The following AP3B1 variants were observed in gnomAD, a reference collection of about 807,000 sequenced individuals.
AP3B1 encodes the protein adaptor related protein complex 3 subunit beta 1, also known as AP-3 complex subunit beta-1.
AP3B1 carries 61 observed loss-of-function variants against 132.5 expected under a neutral mutation model. That is an observed-to-expected ratio of 0.46 (90% confidence interval 0.37 to 0.57). AP3B1 has a LOEUF of 0.57. Among genes scored for constraint, AP3B1 ranks in the 20% least tolerant of loss-of-function variants. The probability of loss-of-function intolerance (pLI) is 0.00; values close to 1 mark genes in which losing one functional copy is unlikely to be tolerated. For synonymous variants in AP3B1, 388 were observed against 438.3 expected (o/e 0.89, Z 1.43); for missense variants, 1,120 against 1,289.4 (o/e 0.87, Z 2.01).
chr5:78,277,543 C>A (rs1280529253), intron 1 of AP3B1, among the ~76,000 whole-genome samples: 2 of 152,066 alleles, frequency 1.3e-5, no homozygotes, highest in East Asian at 3.9e-4. Context: ...TCACAAAAGA[C>A]CTCCACGGAT....
At position 78,260,347 on chromosome 5, in the gene AP3B1, G is replaced by A. The variant is rs1238796215; in HGVS notation, c.204+7173C>T. On this transcript the variant is annotated intron_variant, in intron 2 of 26. Transcript: ENST00000255194. ...CATGCCTGTATTTCCATCACTTTGG[G>A]AGGCCGAGGAGGGCAGATCACCAGA... Among the ~76,000 whole-genome samples the A allele has an allele frequency of 6.6e-5, 10 of 152,118 alleles. 1 individual carries two copies.
intron 3 of AP3B1, among the ~76,000 whole-genome samples, chr5:78,239,838 C>T (rs1295401768): frequency 2.0e-5 from 3 of 151,126 alleles, no homozygotes; most frequent in Non-Finnish European, 2.9e-5. Context: ...TCCTCTCTCA[C>T]CAACACTATC....
chr5:78,192,729 T>G (rs906778987), intron 7 of AP3B1, among the ~76,000 whole-genome samples: 1 of 152,188 alleles, frequency 6.6e-6, no homozygotes, highest in East Asian at 1.9e-4. Context: ...GATTAGGTCA[T>G]GAAGACGGAA....
chr5:78,074,804 C>T (rs113778613), intron 22 of AP3B1, among the ~76,000 whole-genome samples: 27 of 152,128 alleles, frequency 1.8e-4, no homozygotes, highest in Middle Eastern at 3.4e-3. Flanking sequence ...CAAAACTAGC[C>T]GGGCGTGGTG....
At chr5:78,275,237 C>T (rs968259670) in intron 1 of AP3B1, among the ~76,000 whole-genome samples, 5 of 151,980 alleles carry the variant, frequency 3.3e-5, no homozygotes, top group Non-Finnish European at 5.9e-5. Flanking sequence ...GAAAAGAATG[C>T]CAACATAGAA....
Position 78,141,255 on chromosome 5 carries a change from A to G in AP3B1, c.1538T>C (p.Ile513Thr). 1 of 1,613,756 alleles carries G rather than the reference A, an allele frequency of 6.2e-7. No individual in the cohort carries two copies. The highest frequency in any genetic ancestry group is 1.3e-5 in the African/African-American group (1 of 75,042). ...IGENCERVPK[I>T]APDVLRKMAK... is the part of the protein sequence containing the mutation. Reference sequence around the variant, plus strand: ...CATCTTCCTCAAAACATCAGGGGCAATTTTAGGAACTCGTTCACAGTTTTC... The same window carrying G: ...CATCTTCCTCAAAACATCAGGGGCAGTTTTAGGAACTCGTTCACAGTTTTC... The change falls in exon 15 of 27, where the codon ATT becomes ACT. Residue 513 changes from isoleucine to threonine, a missense_variant. Coordinates refer to ENST00000255194, the MANE Select transcript of AP3B1 (RefSeq NM_003664.5).
intron 20 of AP3B1, among the ~76,000 whole-genome samples, chr5:78,104,752 C>G (rs889528720): frequency 2.0e-5 from 3 of 152,034 alleles, no homozygotes; most frequent in African/African-American, 7.2e-5. Flanking sequence ...TTTATTAAGG[C>G]AAATCTTAAC....
chr5:78,031,729 T>A (rs1032197511), intron 24 of AP3B1, among the ~76,000 whole-genome samples: 5 of 152,234 alleles, frequency 3.3e-5, no homozygotes, highest in African/African-American at 1.2e-4. Flanking sequence ...TTTTACCCTG[T>A]GATTTTTATT....
intron 1 of AP3B1, among the ~76,000 whole-genome samples, chr5:78,289,609 T>C (rs76666349): frequency 0.026 from 4,029 of 152,298 alleles, 110 homozygotes; most frequent in East Asian, 0.14. Flanking sequence ...TCAGCCTTCA[T>C]TCTATTTGCC....
At position 78,170,519 on chromosome 5, in the gene AP3B1, A is replaced by AT. The variant is rs1743866446; in HGVS notation, c.1168-4848dup. Among the ~76,000 whole-genome samples the AT allele has an allele frequency of 3.9e-5, 6 of 152,258 alleles. No individual in the cohort carries two copies. In the South Asian group the frequency reaches 1.2e-3, roughly 32 times the overall value. On this transcript the variant is annotated intron_variant, in intron 11 of 26. Transcript: ENST00000255194. ...TCTCTGATGACCAATGAGGATGAGC[A>AT]TTTTTTCATGTGTCTGTTGACTGCA...
rs143825206 is a variant in AP3B1, at chr5:78,139,721, G to A, written c.1650+1422C>T. Among the ~76,000 whole-genome samples the A allele has an allele frequency of 1.2e-3, 176 of 152,232 alleles. 1 individual carries two copies. The highest frequency in any genetic ancestry group is 4.1e-3 in the African/African-American group (172 of 41,542). ...CATTAGTTTACTAGAAAATAAGTGT[G>A]GTCTATGGGGAAGCAGGAAAGGCAG... On this transcript the variant is annotated intron_variant, in intron 15 of 26. Transcript: ENST00000255194.
Position 78,177,417 on chromosome 5 carries a change from T to C in AP3B1, c.962A>G (p.Gln321Arg). Residue 321 changes from glutamine to arginine, a missense_variant, in exon 9 of 27, where the codon CAG becomes CGG. Gln to Arg is a conservative substitution (Grantham distance 43). This residue lies in a region of AP3B1 where 906 missense variants were observed against 997.1 expected (regional missense o/e 0.91). Transcript: ENST00000255194. ...TTTTGGTGATATGTGCCAATACAGCTGAGCAACTGCCATAACCACCTACAA... is the reference window on the plus strand; with the variant it reads ...TTTTGGTGATATGTGCCAATACAGCCGAGCAACTGCCATAACCACCTACAA... ...RNAAVVMAVA[Q>R]LYWHISPKSE... 2 of 1,613,840 alleles carry C rather than the reference T, an allele frequency of 1.2e-6. No individual in the cohort carries two copies. The highest frequency in any genetic ancestry group is 1.7e-6 in the Non-Finnish European group (2 of 1,179,742).
chr5:78,127,451 C>T (rs187937413), intron 17 of AP3B1, among the ~76,000 whole-genome samples: 2 of 152,074 alleles, frequency 1.3e-5, no homozygotes, highest in Admixed American at 6.5e-5. Flanking sequence ...CAATGGCCAG[C>T]ATTTTTTTTA....
At chr5:78,056,398 G>A (rs1418564441) in intron 22 of AP3B1, among the ~76,000 whole-genome samples, 2 of 152,144 alleles carry the variant, frequency 1.3e-5, no homozygotes, top group African/African-American at 4.8e-5. Flanking sequence ...ACTGCAGAAA[G>A]TTCAATAAAA....
At chr5:78,275,139 C>T (rs1459775173) in intron 1 of AP3B1, among the ~76,000 whole-genome samples, 1 of 152,118 alleles carries the variant, frequency 6.6e-6, no homozygotes, top group Admixed American at 6.5e-5. Flanking sequence ...GGGTGGTTTG[C>T]TGGTCCCTAC....
chr5:78,130,076 C>CT (rs972866970), intron 15 of AP3B1, among the ~76,000 whole-genome samples: 2 of 151,906 alleles, frequency 1.3e-5, no homozygotes, highest in African/African-American at 4.8e-5. Context: ...TTTGAATGTA[C>CT]TACATTAACA....
intron 11 of AP3B1, among the ~76,000 whole-genome samples, chr5:78,168,157 A>C (rs1475069807): frequency 6.6e-6 from 1 of 151,756 alleles, no homozygotes; most frequent in Non-Finnish European, 1.5e-5. Context: ...TTTTTCCCAG[A>C]TAATCTTTTA....
chr5:78,112,140 GAC>G (rs1420331719), intron 19 of AP3B1, among the ~76,000 whole-genome samples: 4 of 152,040 alleles, frequency 2.6e-5, no homozygotes, highest in African/African-American at 7.2e-5. Context: ...AAAATTCTGA[GAC>G]AGAAAAATAC....
intron 25 of AP3B1, 88 bp from the exon 26 acceptor site, chr5:78,015,636 CT>C (rs1746827473): frequency 6.6e-6 from 9 of 1,370,450 alleles, no homozygotes; most frequent in African/African-American, 1.5e-5. Context: ...AAAATTTTAA[CT>C]TTTTTTCAAC....
Sources: allele counts gnomAD v4.1 joint callset (sites outside exome capture counted in the v4.1 genomes callset), GRCh38; gene constraint gnomAD v4.1.1; regional missense constraint gnomAD v4.1.1; transcripts MANE v1.5; gene names NCBI Gene and HGNC (gene_info 2026-07-23, HGNC 2026-07-21).